The following FILIP1 variants were observed in gnomAD, a reference collection of about 807,000 sequenced individuals.
FILIP1 encodes the protein filamin-A-interacting protein 1.
Under a neutral mutation model 102.1 loss-of-function variants are expected in FILIP1, and 61 were observed. That is an observed-to-expected ratio of 0.60 (90% confidence interval 0.49 to 0.74). FILIP1 has a LOEUF of 0.74. FILIP1 is among the 30% of genes least tolerant of loss of function. The pLI is 0.00. For missense variants in FILIP1, 1,314 were observed against 1,441.2 expected, an observed-to-expected ratio of 0.91 and a Z score of 1.43; for synonymous variants, 491 against 526.9, an observed-to-expected ratio of 0.93 and a Z score of 0.93.
intron 1 of FILIP1, among the ~76,000 whole-genome samples, chr6:75,442,342 C>T (rs1778293149): frequency 6.6e-6 from 1 of 152,094 alleles, no homozygotes; most frequent in Non-Finnish European, 1.5e-5. Flanking sequence ...CCTCACTTCC[C>T]AGACGGGGTG....
chr6:75,347,249 A>G (rs1386166691), intron 4 of FILIP1, among the ~76,000 whole-genome samples: 9 of 152,232 alleles, frequency 5.9e-5, no homozygotes, highest in Non-Finnish European at 1.0e-4. Flanking sequence ...GAAGGAATTT[A>G]ACTTCTCTGC....
intron 1 of FILIP1, among the ~76,000 whole-genome samples, chr6:75,437,102 ATAT>A (rs1252052134): frequency 6.6e-6 from 1 of 152,248 alleles, no homozygotes; most frequent in Non-Finnish European, 1.5e-5. Context: ...CCTAAGTGAA[ATAT>A]TATGAAGACA....
intron 4 of FILIP1, among the ~76,000 whole-genome samples, chr6:75,345,708 C>A (rs58986684): frequency 0.011 from 1,692 of 152,240 alleles, 37 homozygotes; most frequent in African/African-American, 0.039. Context: ...CTGCTGTGGT[C>A]AGCCGTCTTT....
At chr6:75,369,300 G>A (rs1324937276) in intron 2 of FILIP1, among the ~76,000 whole-genome samples, 2 of 152,176 alleles carry the variant, frequency 1.3e-5, no homozygotes, top group Admixed American at 6.5e-5. Flanking sequence ...AAGGGAAGCT[G>A]AGTCCTGTGA....
chr6:75,357,845 C>T (rs1300584276), intron 3 of FILIP1, among the ~76,000 whole-genome samples: 2 of 152,110 alleles, frequency 1.3e-5, no homozygotes, highest in African/African-American at 4.8e-5. Flanking sequence ...GTGGCTTGTC[C>T]AGAGGCTCTG....
chr6:75,315,430 T>C (rs2149553171), intron 4 of FILIP1, among the ~76,000 whole-genome samples: 1 of 152,306 alleles, frequency 6.6e-6, no homozygotes, highest in South Asian at 2.1e-4. Context: ...GTGTAACTAG[T>C]TTCTCTTTTG....
intron 2 of FILIP1, among the ~76,000 whole-genome samples, chr6:75,372,722 GAGAAAGA>G (rs879698396): frequency 0.14 from 8,792 of 64,868 alleles, 1,878 homozygotes; most frequent in South Asian, 0.26. Flanking sequence ...AGGAAAGAAA[GAGAAAGA>G]GAAAGAAAGA....
Position 75,370,569 on chromosome 6 carries a change from C to CTTTTTTTT in FILIP1, c.277-7660_277-7653dup, listed in dbSNP as rs61384517. ...TTTGTCTGTAATTTGGGAGTCTCTT[C>CTTTTTTTT]TTTTTTTTTTTTTTTTTTTTTTTTG... On this transcript the variant is annotated intron_variant, in intron 2 of 5. Coordinates refer to ENST00000237172, the MANE Select transcript of FILIP1 (RefSeq NM_015687.5). Among the ~76,000 whole-genome samples, 21 of 75,700 alleles carry CTTTTTTTT rather than the reference C, an allele frequency of 2.8e-4. 2 individuals are homozygous for CTTTTTTTT. The highest frequency in any genetic ancestry group is 7.0e-4 in the African/African-American group (12 of 17,182). The allele number at this position is 75,700 out of a possible 152,430, so 49.7% of individuals were successfully genotyped here.
chr6:75,439,421 C>T (rs895436916), intron 1 of FILIP1, among the ~76,000 whole-genome samples: 1 of 151,792 alleles, frequency 6.6e-6, no homozygotes, highest in Admixed American at 6.6e-5. Flanking sequence ...TTGGAGTGTG[C>T]AAACACATGT....
At chr6:75,451,383 A>G (rs371640254) in intron 1 of FILIP1, among the ~76,000 whole-genome samples, 16 of 151,498 alleles carry the variant, frequency 1.1e-4, no homozygotes, top group African/African-American at 3.9e-4. Flanking sequence ...ATATATAGAA[A>G]AATAGGCAAA....
intron 1 of FILIP1, among the ~76,000 whole-genome samples, chr6:75,433,973 A>G (rs927097478): frequency 6.6e-6 from 1 of 152,198 alleles, no homozygotes; most frequent in East Asian, 1.9e-4. Context: ...TGTTTTTGTC[A>G]GGTTTGTCAA....
intron 4 of FILIP1, among the ~76,000 whole-genome samples, chr6:75,327,404 G>T (rs992995354): frequency 3.9e-5 from 6 of 151,996 alleles, no homozygotes; most frequent in Admixed American, 3.9e-4. Context: ...TCTCTTCCCA[G>T]AAGCCGGAAT....
intron 4 of FILIP1, among the ~76,000 whole-genome samples, chr6:75,341,795 C>A (rs1477049891): frequency 2.0e-5 from 3 of 152,148 alleles, no homozygotes; most frequent in Non-Finnish European, 2.9e-5. Context: ...ATAACAGCTA[C>A]CCTCAAACAA....
At chr6:75,403,531 G>GA (rs1426629589) in intron 2 of FILIP1, among the ~76,000 whole-genome samples, 35 of 49,732 alleles carry the variant, frequency 7.0e-4, no homozygotes, top group African/African-American at 3.5e-3. Flanking sequence ...AAAAAAAAAA[G>GA]AAAAAGAAAA....
In FILIP1 at chr6:75,315,220, C is replaced by A. The variant is rs770037594; in HGVS notation, c.630-18G>T. 2.1e-6 allele frequency: 3 copies of A among 1,462,806 alleles called. No homozygotes were observed. Among genetic ancestry groups the A allele is most frequent in the East Asian group, 2.4e-5 (1 of 41,934 alleles). 90.6% of individuals were successfully genotyped at this position (1,462,806 alleles called of 1,614,324 possible). The stretch of plus-strand genomic sequence containing the variant: ...TTTTTAACCTAGAAAATAAAATATA[C>A]CTATATGTTAAAAGAGTAATCAGCA... On this transcript the variant is annotated intron_variant, in intron 4 of 5. Transcript: ENST00000237172.
At chr6:75,452,225 A>G (rs1357510418) in intron 1 of FILIP1, among the ~76,000 whole-genome samples, 4 of 151,930 alleles carry the variant, frequency 2.6e-5, no homozygotes, top group African/African-American at 7.3e-5. Flanking sequence ...TATCATTTAC[A>G]TTAGGTATAT....
intron 3 of FILIP1, among the ~76,000 whole-genome samples, chr6:75,360,274 G>A (rs1241740738): frequency 6.6e-6 from 1 of 152,170 alleles, no homozygotes; most frequent in Non-Finnish European, 1.5e-5. Flanking sequence ...AATTTTGCTT[G>A]AGAAAAATGT....
chr6:75,373,649 A>G lies in FILIP1; in HGVS notation c.277-10732T>C, dbSNP rs112065470. Among the ~76,000 whole-genome samples, 441 of 151,404 alleles carry G rather than the reference A, an allele frequency of 2.9e-3. 2 individuals carry two copies. The highest frequency in any genetic ancestry group is 0.01 in the African/African-American group (418 of 40,718). Reference sequence around the variant, plus strand: ...AGTATACATTCACCTGCCTAAAAAAATCAACTAAGAAAAGAAAATTAAAAT... The same window carrying G: ...AGTATACATTCACCTGCCTAAAAAAGTCAACTAAGAAAAGAAAATTAAAAT... On this transcript the variant is annotated intron_variant, in intron 2 of 5. Coordinates refer to ENST00000237172, the MANE Select transcript of FILIP1 (RefSeq NM_015687.5).
At chr6:75,464,709 T>G (rs967008270) in intron 1 of FILIP1, among the ~76,000 whole-genome samples, 5 of 152,190 alleles carry the variant, frequency 3.3e-5, no homozygotes, top group African/African-American at 1.2e-4. Context: ...ATCCAGCAAC[T>G]CATTCAACTC....
Sources: allele counts gnomAD v4.1 joint callset (sites outside exome capture counted in the v4.1 genomes callset), GRCh38; gene constraint gnomAD v4.1.1; transcripts MANE v1.5; gene names NCBI Gene and HGNC (gene_info 2026-07-23, HGNC 2026-07-21).